The following EYS variants were observed in gnomAD, a reference collection of about 807,000 sequenced individuals.
EYS encodes EGF-like photoreceptor maintenance factor.
EYS carries 250 observed loss-of-function variants against 282.1 expected under a neutral mutation model. The ratio of observed to expected loss-of-function variants is 0.89; its 90% CI spans 0.80 to 0.98. The LOEUF (loss-of-function observed/expected upper bound fraction) is 0.98, where lower values mean the gene tolerates loss of function less well. Ranked by LOEUF, EYS falls within the 50% of genes least tolerant of loss-of-function variation. The pLI is 0.00. For synonymous variants in EYS, 1,355 were observed against 1,282.9 expected, an observed-to-expected ratio of 1.06 and a Z score of -1.20; for missense variants, 4,016 against 3,709.0, an observed-to-expected ratio of 1.08 and a Z score of -2.15.
chr6:65,316,972 C>A (rs940740203), intron 11 of EYS, among the ~76,000 whole-genome samples: 1 of 152,098 alleles, frequency 6.6e-6, no homozygotes, highest in Non-Finnish European at 1.5e-5. Flanking sequence ...GAACCAGCAT[C>A]ATTTGTTGAA....
chr6:64,947,991 T>G (rs1769348821), intron 14 of EYS, among the ~76,000 whole-genome samples: 1 of 151,852 alleles, frequency 6.6e-6, no homozygotes, highest in Non-Finnish European at 1.5e-5. Context: ...AAAAATTCAG[T>G]CAAATTTTTC....
chr6:64,850,655 GA>G (rs56115148), intron 19 of EYS, among the ~76,000 whole-genome samples: 23,123 of 151,938 alleles, frequency 0.15, 1,994 homozygotes, highest in East Asian at 0.43. Context: ...CTGAGAGGGA[GA>G]AAAGACAGTA....
intron 31 of EYS, among the ~76,000 whole-genome samples, chr6:64,145,072 T>C (rs1002679942): frequency 1.3e-5 from 2 of 152,208 alleles, no homozygotes; most frequent in African/African-American, 2.4e-5. Flanking sequence ...AAAAGGATGA[T>C]AAATTTGAGG....
chr6:64,607,599 CA>C (rs1766977134), intron 24 of EYS, among the ~76,000 whole-genome samples: 1 of 151,978 alleles, frequency 6.6e-6, no homozygotes, highest in South Asian at 2.1e-4. Flanking sequence ...ATTCTAATAC[CA>C]TAGTCTTAGG....
intron 12 of EYS, among the ~76,000 whole-genome samples, chr6:65,175,795 A>G (rs1013625628): frequency 2.0e-5 from 3 of 151,484 alleles, no homozygotes; most frequent in Admixed American, 6.6e-5. Flanking sequence ...AATAAAATCA[A>G]CAAACAACTG....
chr6:64,333,808 T>C (rs1217376442), intron 29 of EYS, among the ~76,000 whole-genome samples: 1 of 152,188 alleles, frequency 6.6e-6, no homozygotes, highest in Non-Finnish European at 1.5e-5. Context: ...CCTATATCAG[T>C]TGAAAATGTG....
intron 22 of EYS, among the ~76,000 whole-genome samples, chr6:64,756,765 T>G (rs1384563775): frequency 6.6e-6 from 1 of 152,216 alleles, no homozygotes; most frequent in Non-Finnish European, 1.5e-5. Flanking sequence ...TGTCTTGTTT[T>G]GAATCATAAG....
intron 11 of EYS, among the ~76,000 whole-genome samples, chr6:65,311,000 C>A (rs1168434747): frequency 2.0e-5 from 3 of 151,986 alleles, no homozygotes; most frequent in Non-Finnish European, 2.9e-5. Flanking sequence ...AGCACATAAT[C>A]GATACCCATT....
chr6:64,406,834 G>C (rs555827779), intron 28 of EYS, among the ~76,000 whole-genome samples: 1 of 152,300 alleles, frequency 6.6e-6, no homozygotes, highest in African/African-American at 2.4e-5. Flanking sequence ...GGAGAAATAG[G>C]AATGCTTTTA....
intron 1 of EYS, among the ~76,000 whole-genome samples, chr6:65,684,912 GC>G (rs1295425258): frequency 6.6e-6 from 1 of 151,706 alleles, no homozygotes; most frequent in African/African-American, 2.4e-5. Flanking sequence ...CCTCAAGTGG[GC>G]CCCGGTGTCT....
At chr6:64,930,008 C>A (rs77403583) in intron 15 of EYS, among the ~76,000 whole-genome samples, 1 of 152,056 alleles carries the variant, frequency 6.6e-6, no homozygotes, top group East Asian at 1.9e-4. Flanking sequence ...CAAAATGATA[C>A]AAACTGTAAG....
chr6:64,411,401 T>G (rs180871238), intron 28 of EYS, among the ~76,000 whole-genome samples: 3 of 152,188 alleles, frequency 2.0e-5, no homozygotes, highest in African/African-American at 2.4e-5. Flanking sequence ...TGAGAACCAA[T>G]GACTCAGAAG....
intron 36 of EYS, among the ~76,000 whole-genome samples, chr6:63,859,467 C>G (rs1487362550): frequency 6.6e-6 from 1 of 151,498 alleles, no homozygotes; most frequent in African/African-American, 2.4e-5. Context: ...CATTGAGAGG[C>G]TTAAGTTGGG....
intron 7 of EYS, 116 bp downstream of exon 7, chr6:65,402,362 A>G: frequency 4.2e-6 from 3 of 707,162 alleles, no homozygotes; most frequent in Non-Finnish European, 7.2e-6. Context: ...CAAATAGAAT[A>G]TTATATACCA....
intron 36 of EYS, chr6:63,857,357 A>G (rs1197509678): frequency 1.9e-5 from 3 of 154,776 alleles, no homozygotes; most frequent in African/African-American, 7.2e-5. Context: ...TTAAGCTCTA[A>G]GGGAGGATAG....
At chr6:63,962,859 C>T (rs1291617256) in intron 35 of EYS, among the ~76,000 whole-genome samples, 1 of 152,126 alleles carries the variant, frequency 6.6e-6, no homozygotes, top group Non-Finnish European at 1.5e-5. Context: ...GGAACCAACC[C>T]AAATGCCCAA....
At chr6:63,818,516 C>A (rs990949991) in intron 36 of EYS, among the ~76,000 whole-genome samples, 1 of 152,118 alleles carries the variant, frequency 6.6e-6, no homozygotes, top group East Asian at 1.9e-4. Flanking sequence ...TCAATTCCAC[C>A]CTTCTCCTTC....
intron 30 of EYS, among the ~76,000 whole-genome samples, chr6:64,261,430 A>T (rs1424689953): frequency 6.6e-6 from 1 of 152,110 alleles, no homozygotes; most frequent in Non-Finnish European, 1.5e-5. Context: ...TAAAAACTTT[A>T]CTTTGTATTT....
chr6:64,752,571 G>A (rs1442377748), intron 22 of EYS, among the ~76,000 whole-genome samples: 9 of 152,094 alleles, frequency 5.9e-5, no homozygotes, highest in Admixed American at 2.6e-4. Flanking sequence ...AAAAAGGTTG[G>A]ACTATCTATT....
Sources: gnomAD v4.1 joint callset for allele counts (sites outside exome capture counted in the v4.1 genomes callset) on GRCh38, gnomAD v4.1.1 for gene constraint, MANE v1.5 for transcripts, NCBI Gene and HGNC (gene_info 2026-07-23, HGNC 2026-07-21) for gene names.